ACOT11: variants seen among roughly 807,000 people sequenced by gnomAD.
The protein encoded by ACOT11 is acyl-coenzyme A thioesterase 11.
A neutral mutation model predicts 77.5 loss-of-function variants in ACOT11; 69 were observed. The ratio of observed to expected loss-of-function variants is 0.89; its 90% CI spans 0.73 to 1.09. ACOT11 has a LOEUF of 1.09. Ranked by LOEUF, ACOT11 falls within the 50% of genes least tolerant of loss-of-function variation. The pLI, the probability that ACOT11 is intolerant of heterozygous loss-of-function variation, is 0.00. For synonymous variants in ACOT11, 279 were observed against 313.0 expected, an observed-to-expected ratio of 0.89 and a Z score of 1.15; for missense variants, 766 against 813.7, an observed-to-expected ratio of 0.94 and a Z score of 0.71.
chr1:54,596,548 G>T (rs575429891), intron 6 of ACOT11, among the ~76,000 whole-genome samples: 1 of 152,292 alleles, frequency 6.6e-6, no homozygotes, highest in South Asian at 2.1e-4. Context: ...CTTTTTGAGA[G>T]CATATTTACT....
chr1:54,596,072 C>T (rs959206908), intron 6 of ACOT11, among the ~76,000 whole-genome samples: 3 of 152,240 alleles, frequency 2.0e-5, no homozygotes, highest in African/African-American at 7.2e-5. Context: ...TCTGTCCTAA[C>T]AGCGCTCCCA....
Position 54,599,424 on chromosome 1 carries a change from C to T in ACOT11, c.884+9C>T. 2 of 1,598,236 alleles carry T rather than the reference C, an allele frequency of 1.3e-6. No individual in the cohort carries two copies. Among genetic ancestry groups the T allele is most frequent in the Non-Finnish European group, 1.7e-6 (2 of 1,170,960 alleles). ...AATGCCTTCAAACATAGGTGAGGGT[C>T]TGGGATGGGTGCGGCCACGTCCATT... On this transcript the variant is annotated intron_variant, in intron 8 of 15. Transcript: ENST00000343744.
chr1:54,583,251 G>T (rs566886235), intron 1 of ACOT11, among the ~76,000 whole-genome samples: 4 of 152,086 alleles, frequency 2.6e-5, no homozygotes, highest in African/African-American at 9.7e-5. Context: ...GGGCTCTTGG[G>T]AATAAGCCGT....
At chr1:54,582,748 G>A (rs1337208909) in intron 1 of ACOT11, among the ~76,000 whole-genome samples, 1 of 152,270 alleles carries the variant, frequency 6.6e-6, no homozygotes, top group Non-Finnish European at 1.5e-5. Flanking sequence ...GGCTGGTAAA[G>A]CGGGGGTGCT....
In ACOT11 at chr1:54,616,302, C is replaced by T. The variant is rs1644172678; in HGVS notation, c.1629+8234C>T. The T allele has an allele frequency of 6.5e-6, 5 of 766,990 alleles. No individual in the cohort carries two copies. In the South Asian group the frequency reaches 7.5e-5, roughly 11 times the overall value. The allele number at this position is 766,990 out of a possible 1,614,324, so 47.5% of individuals were successfully genotyped here. A position where few individuals can be genotyped will look rare whatever the true frequency, so the allele number is the denominator to read the frequency against. On this transcript the variant is annotated intron_variant, in intron 15 of 16. Transcript: ENST00000371316. ...AAAGTGGAAGAGGAAAATATTCACC[C>T]ACACTTCCATCATAGTTTCACATTT...
rs375626581 is a variant in ACOT11, at chr1:54,605,847, A to C, written c.1370+638A>C. On this transcript the variant is annotated intron_variant, in intron 13 of 15. Coordinates refer to ENST00000343744, the MANE Select transcript of ACOT11 (RefSeq NM_147161.4). ...AAGATAAATATGTTCTTAGGAAAAT[A>C]GCAAAATTTGTGTTTTTCAAGTCCC... Among the ~76,000 whole-genome samples, 35 of 152,318 alleles carry C rather than the reference A, an allele frequency of 2.3e-4. No individual in the cohort carries two copies. In the East Asian group the frequency reaches 4.8e-3, roughly 21 times the overall value.
At chr1:54,610,645 G>A (rs981374199), downstream of ACOT11, 21 of 1,534,230 alleles carry the variant, frequency 1.4e-5, no homozygotes, top group East Asian at 3.0e-4. Context: ...ACAGCTCTAC[G>A]GGCATCCTCT....
At chr1:54,623,997 C>T (rs1166145046) in intron 15 of ACOT11, among the ~76,000 whole-genome samples, 1 of 152,160 alleles carries the variant, frequency 6.6e-6, no homozygotes, top group Non-Finnish European at 1.5e-5. Flanking sequence ...AACAGATTAT[C>T]TACCTGGGAT....
chr1:54,631,427 C>T (rs1644299226), intron 16 of ACOT11, among the ~76,000 whole-genome samples: 1 of 152,178 alleles, frequency 6.6e-6, no homozygotes. Context: ...GTTACTGTTT[C>T]CAGTCAGATG....
intron 15 of ACOT11, among the ~76,000 whole-genome samples, chr1:54,608,747 G>A (rs371558013): frequency 6.6e-6 from 1 of 152,092 alleles, no homozygotes; most frequent in Non-Finnish European, 1.5e-5. Flanking sequence ...GGTTGTCAGT[G>A]CCCGAGGAAG....
intron 15 of ACOT11, chr1:54,623,524 C>G (rs1644251816): frequency 1.4e-6 from 1 of 713,198 alleles, no homozygotes; most frequent in Non-Finnish European, 2.5e-6. Flanking sequence ...CTGGTCTGCT[C>G]TGCAGCCCTG....
chr1:54,584,714 C>T lies in ACOT11; in HGVS notation c.93C>T (p.Asn31=), dbSNP rs137985788. 28 of 1,614,168 alleles carry T rather than the reference C, an allele frequency of 1.7e-5. No homozygotes were observed. The highest frequency in any genetic ancestry group is 1.0e-4 in the Admixed American group (6 of 60,022). The change falls in exon 2 of 16, where the codon AAC becomes AAT. Residue 31 remains asparagine, a synonymous_variant. Coordinates refer to ENST00000343744, the MANE Select transcript of ACOT11 (RefSeq NM_147161.4). This position sits in a 1 kb window ranked among gnomAD's most constrained non-coding sequence, Gnocchi z 6.3. ...GGAAGTCAGCCTTACGTGCGGGGAA[C>T]GACAGTGCCATGGCAGACGGCGAGG... ...TSRKSALRAG[N]DSAMADGEGY...
downstream of ACOT11, among the ~76,000 whole-genome samples, chr1:54,615,203 G>A (rs1644160226): frequency 6.6e-6 from 1 of 152,158 alleles, no homozygotes; most frequent in African/African-American, 2.4e-5. Context: ...GACTCAGAGG[G>A]TCCTAAACCA....
intron 1 of ACOT11, chr1:54,572,911 T>C (rs1449367584): frequency 1.0e-6 from 1 of 985,160 alleles, no homozygotes; most frequent in African/African-American, 1.7e-5. Flanking sequence ...TGAGGTTTCC[T>C]CCCACTCTGA....
downstream of ACOT11, chr1:54,611,644 A>G: frequency 6.2e-7 from 1 of 1,613,960 alleles, no homozygotes; most frequent in Non-Finnish European, 8.5e-7. Context: ...AGGCTCAAAG[A>G]TGTCATAGTA....
At position 54,610,048 on chromosome 1, in the gene ACOT11, T is replaced by C. The variant is rs143545014; in HGVS notation, c.*936T>C. 1 of 1,449,068 alleles carries C rather than the reference T, an allele frequency of 6.9e-7. No individual in the cohort carries two copies. The highest frequency in any genetic ancestry group is 2.4e-5 in the East Asian group (1 of 40,858). 89.8% of individuals were successfully genotyped at this position (1,449,068 alleles called of 1,614,324 possible). ...GGAGTTATGGGGTCATCAAGGACCT[T>C]GCCTCTCTGGAATCTGTCAACCCAG... On this transcript the variant is annotated 3_prime_UTR_variant, in exon 16 of 16. Coordinates refer to ENST00000343744, the MANE Select transcript of ACOT11 (RefSeq NM_147161.4).
intron 1 of ACOT11, among the ~76,000 whole-genome samples, chr1:54,581,965 A>G (rs1221557965): frequency 6.6e-6 from 1 of 151,798 alleles, no homozygotes; most frequent in Non-Finnish European, 1.5e-5. Context: ...CTGAAAGGCT[A>G]TGCCTGGGGC....
chr1:54,609,341 TCCACAGC>T lies in ACOT11; in HGVS notation c.*232_*238del. On this transcript the variant is annotated 3_prime_UTR_variant, in exon 16 of 16. Transcript: ENST00000343744. Reference sequence around the variant, plus strand: ...TAGCCTGTAGTAGACTCGGGTCCTGTCCACAGCCCTAGCTGCCAGCAATGCTGTCCTC... The same window carrying T: ...TAGCCTGTAGTAGACTCGGGTCCTGTCCTAGCTGCCAGCAATGCTGTCCTC... The T allele has an allele frequency of 6.2e-7, 1 of 1,614,110 alleles. No individual in the cohort carries two copies. The highest frequency in any genetic ancestry group is 8.5e-7 in the Non-Finnish European group (1 of 1,179,990).
chr1:54,595,403 G>T (rs1654864037), intron 6 of ACOT11, among the ~76,000 whole-genome samples: 1 of 151,998 alleles, frequency 6.6e-6, no homozygotes, highest in South Asian at 2.1e-4. Context: ...ATATATATAT[G>T]CTTATGTGTA....
Sources: gnomAD v4.1 joint callset for allele counts (sites outside exome capture counted in the v4.1 genomes callset) on GRCh38, gnomAD v4.1.1 for gene constraint, Gnocchi (gnomAD v3.1) non-coding constraint, MANE v1.5 for transcripts, NCBI Gene and HGNC (gene_info 2026-07-23, HGNC 2026-07-21) for gene names.